The following UXS1 variants were observed in gnomAD, a reference collection of about 807,000 sequenced individuals.
UXS1 encodes UDP-glucuronate decarboxylase 1, also known as UDP-glucuronic acid decarboxylase 1.
UXS1 carries 33 observed loss-of-function variants against 62.6 expected under a neutral mutation model. That is an observed-to-expected ratio of 0.53 (90% confidence interval 0.40 to 0.70). The LOEUF (loss-of-function observed/expected upper bound fraction) is 0.70. Ranked by LOEUF, UXS1 falls within the 30% of genes least tolerant of loss-of-function variation. UXS1 has a pLI of 0.00. For synonymous variants in UXS1, 213 were observed against 206.8 expected (o/e 1.03, Z -0.26); for missense variants, 434 against 556.3 (o/e 0.78, Z 2.21).
chr2:106,178,167 G>T (rs1684012542), intron 1 of UXS1, among the ~76,000 whole-genome samples: 1 of 152,166 alleles, frequency 6.6e-6, no homozygotes, highest in African/African-American at 2.4e-5. Context: ...CCGCCGCGTG[G>T]GGGCCCTGGC....
intron 5 of UXS1, among the ~76,000 whole-genome samples, chr2:106,152,330 T>C (rs1003825899): frequency 3.3e-5 from 5 of 152,048 alleles, no homozygotes; most frequent in African/African-American, 1.2e-4. Flanking sequence ...AGCACACCTG[T>C]AATCCCAGCT....
At chr2:106,119,534 T>C (rs1679349214) in intron 9 of UXS1, among the ~76,000 whole-genome samples, 1 of 152,158 alleles carries the variant, frequency 6.6e-6, no homozygotes, top group Admixed American at 6.5e-5. Flanking sequence ...TCCTGCTCTC[T>C]CGCAACACCC....
chr2:106,138,499 TTTCCAGGCGGGCCTGGA>T, intron 6 of UXS1: 1 of 985,434 alleles, frequency 1.0e-6, no homozygotes, highest in Non-Finnish European at 1.2e-6. Flanking sequence ...CCCTTCAGGA[TTTCCAGGCGGGCCTGGA>T]AACCTTCCAT....
At chr2:106,156,397 TGAG>T (rs1038753908) in intron 5 of UXS1, among the ~76,000 whole-genome samples, 7 of 152,138 alleles carry the variant, frequency 4.6e-5, no homozygotes, top group Non-Finnish European at 2.9e-5. Context: ...GAAGTGGCGT[TGAG>T]GATGTAGAGA....
At chr2:106,146,458 A>T (rs1047766538) in intron 5 of UXS1, among the ~76,000 whole-genome samples, 2 of 152,340 alleles carry the variant, frequency 1.3e-5, no homozygotes, top group South Asian at 4.1e-4. Flanking sequence ...ACACACGATG[A>T]AGTATTCACC....
chr2:106,164,763 T>C lies in UXS1; in HGVS notation c.159A>G (p.Glu53=). The C allele has an allele frequency of 6.3e-7, 1 of 1,590,622 alleles. No individual in the cohort carries two copies. The highest frequency in any genetic ancestry group is 8.6e-7 in the Non-Finnish European group (1 of 1,167,792). Residue 53 remains glutamate, a synonymous_variant, in exon 3 of 15, where the codon GAA becomes GAG. Transcript: ENST00000283148. ...CTTCAATCTTGCTTTCAATTTTTAG[T>C]TCACCATTTTCCTGGATAGACCTGT... is the stretch of plus-strand genomic sequence containing the variant. ...LLNRSIQENG[E]LKIESKIEEM... is the part of the protein sequence containing the mutation.
intron 5 of UXS1, among the ~76,000 whole-genome samples, chr2:106,147,420 T>C (rs2105005256): frequency 6.6e-6 from 1 of 152,306 alleles, no homozygotes; most frequent in South Asian, 2.1e-4. Context: ...TTCCTTGTCA[T>C]AACTTAGATT....
chr2:106,190,253 G>A (rs1208391087), intron 1 of UXS1, among the ~76,000 whole-genome samples: 1 of 152,178 alleles, frequency 6.6e-6, no homozygotes, highest in East Asian at 1.9e-4. Flanking sequence ...AGTCATGCTT[G>A]TAAACACTGC....
chr2:106,164,332 T>C (rs1683078062), intron 3 of UXS1, among the ~76,000 whole-genome samples: 1 of 147,732 alleles, frequency 6.8e-6, no homozygotes, highest in South Asian at 2.2e-4. Context: ...GGTGCTAGCC[T>C]TCAGCTGGGT....
At chr2:106,107,327 C>A (rs1480286307) in intron 10 of UXS1, among the ~76,000 whole-genome samples, 2 of 152,222 alleles carry the variant, frequency 1.3e-5, no homozygotes, top group Non-Finnish European at 1.5e-5. Context: ...AACAAGCCAG[C>A]CGAGGCCAGT....
chr2:106,097,242 T>C (rs1417736923), intron 13 of UXS1: 2 of 456,334 alleles, frequency 4.4e-6, no homozygotes, highest in South Asian at 3.1e-5. Flanking sequence ...AAGTGGGCCA[T>C]ACCTGGGTGC....
At chr2:106,098,846 G>A (rs1292782372) in intron 12 of UXS1, 73 bp from the exon 13 acceptor site, 1 of 1,402,216 alleles carries the variant, frequency 7.1e-7, no homozygotes, top group African/African-American at 1.4e-5. Flanking sequence ...CCACAGGCGT[G>A]TCTGCAGAGA....
At chr2:106,177,107 C>T (rs1301355163) in intron 1 of UXS1, among the ~76,000 whole-genome samples, 2 of 151,812 alleles carry the variant, frequency 1.3e-5, no homozygotes, top group Non-Finnish European at 2.9e-5. Flanking sequence ...AAAATGCCAA[C>T]GTTAAGTAAA....
At chr2:106,127,285 A>T (rs1264494538) in intron 7 of UXS1, among the ~76,000 whole-genome samples, 2 of 152,216 alleles carry the variant, frequency 1.3e-5, no homozygotes, top group African/African-American at 4.8e-5. Flanking sequence ...GTCTTACAGT[A>T]GATGCATACT....
chr2:106,105,828 T>C (rs1289773040), intron 10 of UXS1, among the ~76,000 whole-genome samples: 1 of 152,146 alleles, frequency 6.6e-6, no homozygotes, highest in Non-Finnish European at 1.5e-5. Flanking sequence ...CTCGGGGGTT[T>C]TGTTTGCTTG....
At chr2:106,178,132 T>C (rs560802987) in intron 1 of UXS1, among the ~76,000 whole-genome samples, 4 of 152,352 alleles carry the variant, frequency 2.6e-5, no homozygotes, top group Non-Finnish European at 1.5e-5. Context: ...CAATGTGTTC[T>C]TCCATGTGTC....
intron 10 of UXS1, among the ~76,000 whole-genome samples, chr2:106,106,790 C>G (rs973138953): frequency 2.0e-5 from 3 of 152,104 alleles, no homozygotes; most frequent in African/African-American, 7.2e-5. Flanking sequence ...GCTCCCTCAG[C>G]CTGGAAACTC....
intron 6 of UXS1, among the ~76,000 whole-genome samples, chr2:106,130,011 G>A (rs574935670): frequency 2.0e-5 from 3 of 152,248 alleles, no homozygotes; most frequent in East Asian, 1.9e-4. Context: ...GTCTGTTCTC[G>A]TGTAACCAGA....
chr2:106,194,268 C>T lies in UXS1; in HGVS notation c.-27G>A, dbSNP rs748454618. 2,708 of 1,319,074 alleles carry T rather than the reference C, an allele frequency of 2.1e-3. 13 individuals are homozygous for T. The highest frequency in any genetic ancestry group is 2.5e-3 in the Non-Finnish European group (2,601 of 1,021,738). 81.7% of individuals were successfully genotyped at this position (1,319,074 alleles called of 1,614,324 possible). A position where few individuals can be genotyped will look rare whatever the true frequency, so the allele number is the denominator to read the frequency against. ...CCCGGGAGCCGCGCGGGTCCAGGGC[C>T]CTACCGCGCGGGGGCCCGCCTGCTG... On this transcript the variant is annotated 5_prime_UTR_variant, in exon 1 of 15. Coordinates refer to ENST00000283148, the MANE Select transcript of UXS1 (RefSeq NM_001253875.2).
Sources: gnomAD v4.1 joint callset for allele counts (sites outside exome capture counted in the v4.1 genomes callset) on GRCh38, gnomAD v4.1.1 for gene constraint, MANE v1.5 for transcripts, NCBI Gene and HGNC (gene_info 2026-07-23, HGNC 2026-07-21) for gene names.